Variants in ST14 observed in about 807,000 individuals in gnomAD.
ST14 encodes the protein suppressor of tumorigenicity 14 protein.
ST14 carries 40 observed loss-of-function variants against 96.5 expected under a neutral mutation model. The observed-to-expected ratio is 0.41, with a 90% CI of 0.32 to 0.54. The LOEUF (loss-of-function observed/expected upper bound fraction) is 0.54, where lower values mean the gene tolerates loss of function less well. Among genes scored for constraint, ST14 ranks in the 20% least tolerant of loss-of-function variants. The probability of loss-of-function intolerance (pLI) is 0.17; values close to 1 mark genes in which losing one functional copy is unlikely to be tolerated. For synonymous variants in ST14, 506 were observed against 492.1 expected, an observed-to-expected ratio of 1.03 and a Z score of -0.37; for missense variants, 1,066 against 1,188.9, an observed-to-expected ratio of 0.90 and a Z score of 1.52.
At chr11:130,189,076 GTCC>G (rs1421086709) in intron 4 of ST14, 137 bp downstream of exon 4, 25 of 914,322 alleles carry the variant, frequency 2.7e-5, no homozygotes, top group Non-Finnish European at 4.2e-5. Flanking sequence ...TCCTCGCTGT[GTCC>G]TCCTGTGCGT....
intron 1 of ST14, among the ~76,000 whole-genome samples, chr11:130,169,885 T>C (rs768572089): frequency 2.0e-5 from 3 of 152,078 alleles, no homozygotes; most frequent in Non-Finnish European, 4.4e-5. Context: ...GTTTCTCTTG[T>C]CGGGTTTTGG....
At chr11:130,207,655 C>T (rs1391685004) in intron 16 of ST14, among the ~76,000 whole-genome samples, 2 of 152,274 alleles carry the variant, frequency 1.3e-5, no homozygotes, top group Non-Finnish European at 1.5e-5. Flanking sequence ...TGGGCTCCGG[C>T]TCTGCAGTGC....
chr11:130,189,243 G>GTT, intron 4 of ST14: 1 of 529,216 alleles, frequency 1.9e-6, no homozygotes. Flanking sequence ...GGGGAGTTGG[G>GTT]GTACTCAGGC....
In ST14 at chr11:130,194,262, C is replaced by T. The variant is rs1953335479; in HGVS notation, c.989C>T (p.Thr330Ile). 6 of 1,614,236 alleles carry T rather than the reference C, an allele frequency of 3.7e-6. No individual in the cohort carries two copies. The Middle Eastern group carries it at 4.9e-4, about 133-fold the overall frequency. Residue 330 changes from threonine (T) to isoleucine (I), a missense_variant, in exon 8 of 19, where the codon ACC becomes ATC. Transcript: ENST00000278742. ...TERRHPGFEA[T>I]FFQLPRMSSC... ...CGGCGGCATCCCGGCTTTGAGGCCA[C>T]CTTCTTCCAGCTGCCTAGGATGAGC...
Position 130,161,607 on chromosome 11 carries a change from G to A in ST14, c.81+1547G>A, listed in dbSNP as rs535942087. On this transcript the variant is annotated intron_variant, in intron 1 of 18. Transcript: ENST00000278742. ...TCACCCCCAGGATCCCACATTCAGC[G>A]GACTTGTCTTGTCACCTGCAAGCCC... 9.9e-5 allele frequency among the ~76,000 whole-genome samples: 15 copies of A among 152,242 alleles called. No homozygotes were observed. The South Asian group carries it at 1.2e-3, about 13-fold the overall frequency.
rs1953190030 is a variant in ST14, at chr11:130,181,245, GAT to G, written c.82-6868_82-6867del. Among the ~76,000 whole-genome samples, 1 of 152,200 alleles carries G rather than the reference GAT, an allele frequency of 6.6e-6. No homozygotes were observed. The highest frequency in any genetic ancestry group is 1.5e-5 in the Non-Finnish European group (1 of 68,044). ...GGTGAGATAGTGGTGGTCCCTGTTA[GAT>G]CCTGGCCCTTTAGGGTCTGTACCCT... On this transcript the variant is annotated intron_variant, in intron 1 of 18. Coordinates refer to ENST00000278742, the MANE Select transcript of ST14 (RefSeq NM_021978.4). The surrounding 1 kb of genome is among the most constrained non-coding windows in gnomAD (Gnocchi z 4.1).
At chr11:130,196,114 C>T (rs947544010) in intron 9 of ST14, among the ~76,000 whole-genome samples, 65 of 152,156 alleles carry the variant, frequency 4.3e-4, no homozygotes, top group African/African-American at 1.6e-3. Flanking sequence ...GAGCTGAGAT[C>T]TTGCCACTGC....
chr11:130,165,416 G>T (rs371393095), intron 1 of ST14, among the ~76,000 whole-genome samples: 1 of 152,210 alleles, frequency 6.6e-6, no homozygotes, highest in African/African-American at 2.4e-5. Context: ...TTTGGGGTTT[G>T]CTCAGAGCTC....
At chr11:130,197,050 C>T (rs898062739) in intron 11 of ST14, among the ~76,000 whole-genome samples, 1 of 152,116 alleles carries the variant, frequency 6.6e-6, no homozygotes, top group African/African-American at 2.4e-5. Context: ...CTGTTAGCAC[C>T]GTTAGGATTC....
Position 130,188,259 on chromosome 11 carries a change from T to C in ST14, c.227T>C (p.Val76Ala). 1 of 1,613,666 alleles carries C rather than the reference T, an allele frequency of 6.2e-7. No individual in the cohort carries two copies. Among genetic ancestry groups the C allele is most frequent in the Non-Finnish European group, 8.5e-7 (1 of 1,179,724 alleles). ...GTCTTGCTGGGGATCGGCTTCCTGGTGTGGCATTTGCAGTGTGAGTAAAGC... is the reference window on the plus strand; with the variant it reads ...GTCTTGCTGGGGATCGGCTTCCTGGCGTGGCATTTGCAGTGTGAGTAAAGC... ...LLVLLGIGFL[V>A]WHLQYRDVRV... The change falls in exon 2 of 19, where the codon GTG becomes GCG. Residue 76 changes from valine to alanine, a missense_variant. Physicochemically the swap from Val to Ala is moderately conservative, Grantham distance 64. Transcript: ENST00000278742. The surrounding 1 kb of genome is among the most constrained non-coding windows in gnomAD (Gnocchi z 5.4).
chr11:130,196,839 T>C, intron 11 of ST14, 139 bp downstream of exon 11: 1 of 1,328,318 alleles, frequency 7.5e-7, no homozygotes, highest in Non-Finnish European at 1.1e-6. Flanking sequence ...CCCGTAGCTT[T>C]GGGAGGAAAA....
At chr11:130,182,634 G>T (rs1234876403) in intron 1 of ST14, among the ~76,000 whole-genome samples, 1 of 150,434 alleles carries the variant, frequency 6.6e-6, no homozygotes, top group Non-Finnish European at 1.5e-5. Context: ...CACCATGCCT[G>T]GCCCTTTTGT....
chr11:130,163,749 T>C (rs1953017817), intron 1 of ST14, among the ~76,000 whole-genome samples: 1 of 152,144 alleles, frequency 6.6e-6, no homozygotes, highest in Non-Finnish European at 1.5e-5. Flanking sequence ...TCTGCCTTGG[T>C]CCTGAGAACA....
At chr11:130,161,393 C>G (rs926000847) in intron 1 of ST14, among the ~76,000 whole-genome samples, 2 of 137,920 alleles carry the variant, frequency 1.5e-5, no homozygotes, top group African/African-American at 5.3e-5. Flanking sequence ...AGCAGAGAAC[C>G]TGCTGTTTGG....
intron 16 of ST14, among the ~76,000 whole-genome samples, chr11:130,205,699 GT>G (rs34790396): frequency 5.3e-5 from 5 of 94,630 alleles, no homozygotes; most frequent in Admixed American, 1.4e-4. Context: ...TTCTTTAGAC[GT>G]TTTTTTTTTT....
rs1485201207 is a variant in ST14, at chr11:130,188,989, G to A, written c.440+50G>A. On this transcript the variant is annotated intron_variant, in intron 4 of 18. Transcript: ENST00000278742. This position sits in a 1 kb window ranked among gnomAD's most constrained non-coding sequence, Gnocchi z 5.4. Reference sequence around the variant, plus strand: ...GGGATGCACCCCAGACTGGCTGGGAGTAGGATCGGGGTACAGTGTGTGGGG... The same window carrying A: ...GGGATGCACCCCAGACTGGCTGGGAATAGGATCGGGGTACAGTGTGTGGGG... 5.8e-6 allele frequency: 9 copies of A among 1,562,466 alleles called. No homozygotes were observed. The highest frequency in any genetic ancestry group is 7.0e-6 in the Non-Finnish European group (8 of 1,147,218).
At chr11:130,205,858 C>T (rs1953481509) in intron 16 of ST14, among the ~76,000 whole-genome samples, 1 of 152,036 alleles carries the variant, frequency 6.6e-6, no homozygotes, top group Non-Finnish European at 1.5e-5. Context: ...GCCACCACGC[C>T]TGGCTAATTT....
At chr11:130,164,542 C>T (rs1487652060) in intron 1 of ST14, among the ~76,000 whole-genome samples, 1 of 151,528 alleles carries the variant, frequency 6.6e-6, no homozygotes, top group Admixed American at 6.6e-5. Context: ...CCTCAGCTTT[C>T]TCAGTAGCTG....
At chr11:130,195,361 T>C (rs1953349150) in intron 9 of ST14, among the ~76,000 whole-genome samples, 1 of 152,120 alleles carries the variant, frequency 6.6e-6, no homozygotes, top group Non-Finnish European at 1.5e-5. Flanking sequence ...CTTAGCTCCT[T>C]GTCAGGTGAT....
Sources: gnomAD v4.1 joint callset for allele counts (sites outside exome capture counted in the v4.1 genomes callset) on GRCh38, gnomAD v4.1.1 for gene constraint, Gnocchi (gnomAD v3.1) non-coding constraint, MANE v1.5 for transcripts, NCBI Gene and HGNC (gene_info 2026-07-23, HGNC 2026-07-21) for gene names.